INTU: variants seen among roughly 807,000 people sequenced by gnomAD.
INTU encodes the protein inturned planar cell polarity protein, also known as protein inturned.
INTU carries 68 observed loss-of-function variants against 100.5 expected under a neutral mutation model. The observed-to-expected ratio is 0.68, with a 90% confidence interval of 0.56 to 0.83. The LOEUF is 0.83. INTU is among the 40% of genes least tolerant of loss of function. INTU has a pLI of 0.00. For missense variants in INTU, 1,071 were observed against 1,114.7 expected (o/e 0.96, Z 0.56); for synonymous variants, 357 against 395.7 (o/e 0.90, Z 1.16).
In INTU at chr4:127,724,478, G is replaced by GT. The variant is rs1470964829; in HGVS notation, c.*8048dup. The GT allele has an allele frequency of 3.9e-5, 6 of 152,138 alleles. No homozygotes were observed. The East Asian group carries it at 1.2e-3, about 29-fold the overall frequency. The allele number at this position is 152,138 out of a possible 1,614,324, so 9.4% of individuals were successfully genotyped here. ...AGAAATATAGATCATTATGCATTGG[G>GT]TTTTTTCAAAGGGGGAACACTTTAG... On this transcript the variant is annotated 3_prime_UTR_variant, in exon 16 of 16. Transcript: ENST00000335251.
At chr4:127,634,153 G>A (rs1726965280) in intron 1 of INTU, among the ~76,000 whole-genome samples, 1 of 152,190 alleles carries the variant, frequency 6.6e-6, no homozygotes, top group Non-Finnish European at 1.5e-5. Flanking sequence ...TAAAAGTATG[G>A]TGGGGAAACC....
intron 14 of INTU, among the ~76,000 whole-genome samples, chr4:127,713,112 T>G (rs1731151069): frequency 6.6e-6 from 1 of 152,222 alleles, no homozygotes; most frequent in Non-Finnish European, 1.5e-5. Context: ...GATACATTCT[T>G]GAACAGTTCT....
intron 4 of INTU, among the ~76,000 whole-genome samples, chr4:127,668,189 A>G (rs962049102): frequency 6.6e-6 from 1 of 152,072 alleles, no homozygotes; most frequent in Admixed American, 6.6e-5. Context: ...GTAACAACAA[A>G]AAATGAGGTA....
chr4:127,666,885 A>G (rs1158550377), intron 4 of INTU, among the ~76,000 whole-genome samples: 1 of 152,144 alleles, frequency 6.6e-6, no homozygotes, highest in East Asian at 1.9e-4. Context: ...TATTTTATCC[A>G]AAAGGATGCA....
At chr4:127,685,189 G>A (rs368710181) in intron 7 of INTU, among the ~76,000 whole-genome samples, 8 of 151,700 alleles carry the variant, frequency 5.3e-5, no homozygotes, top group South Asian at 2.1e-4. Flanking sequence ...TGCTTCTTGC[G>A]TTTTTAACCT....
intron 14 of INTU, among the ~76,000 whole-genome samples, chr4:127,712,430 A>T (rs1185042275): frequency 6.6e-6 from 1 of 152,182 alleles, no homozygotes. Context: ...GATAATATTT[A>T]GTAATATAAA....
At chr4:127,635,785 A>G (rs142518981) in intron 1 of INTU, among the ~76,000 whole-genome samples, 25 of 152,326 alleles carry the variant, frequency 1.6e-4, no homozygotes, top group Admixed American at 1.6e-3. Flanking sequence ...GAGTCTCCCC[A>G]TGTACCTACT....
chr4:127,714,611 T>G (rs1731201978), intron 15 of INTU, among the ~76,000 whole-genome samples: 1 of 152,206 alleles, frequency 6.6e-6, no homozygotes, highest in Non-Finnish European at 1.5e-5. Flanking sequence ...ATCCTTGATA[T>G]TCAGACCAGT....
intron 8 of INTU, among the ~76,000 whole-genome samples, chr4:127,690,292 C>G (rs1444080720): frequency 6.6e-6 from 1 of 152,140 alleles, no homozygotes; most frequent in Non-Finnish European, 1.5e-5. Flanking sequence ...TAAGAAATCA[C>G]TGTGTGAATT....
chr4:127,714,695 A>G (rs1560623064), intron 15 of INTU, among the ~76,000 whole-genome samples: 3 of 152,092 alleles, frequency 2.0e-5, no homozygotes, highest in Non-Finnish European at 4.4e-5. Context: ...GTTATTCTCT[A>G]TATGACTCTT....
At position 127,656,670 on chromosome 4, in the gene INTU, TA is replaced by T; in HGVS notation, c.718del (p.Thr240LeufsTer18). 1 of 1,610,992 alleles carries T rather than the reference TA, an allele frequency of 6.2e-7. No individual in the cohort carries two copies. Among genetic ancestry groups the T allele is most frequent in the Non-Finnish European group, 8.5e-7 (1 of 1,177,706 alleles). ...VLVAVNDVDV[T>X]TENIERVLSC... ...TTGTTGCTGTGAATGATGTCGATGT[TA>T]CTACTGAAAACATCGAGAGAGTTCT... On this transcript the variant is annotated frameshift_variant, in exon 3 of 16. Transcript: ENST00000335251. LOFTEE classifies it high-confidence loss of function.
chr4:127,682,528 A>T lies in INTU; in HGVS notation c.1182-1881A>T, dbSNP rs562975542. Among the ~76,000 whole-genome samples the T allele has an allele frequency of 3.0e-3, 431 of 143,122 alleles. 2 individuals carry two copies. Among genetic ancestry groups the T allele is most frequent in the African/African-American group, 0.01 (399 of 38,560 alleles). 93.9% of individuals were successfully genotyped at this position (143,122 alleles called of 152,430 possible). ...CCAAACACCGCATATTCTCACTCATAGGTGGGAATTGAACAATGAGAACAC... is the reference window on the plus strand; with the variant it reads ...CCAAACACCGCATATTCTCACTCATTGGTGGGAATTGAACAATGAGAACAC... On this transcript the variant is annotated intron_variant, in intron 6 of 15. Transcript: ENST00000335251.
chr4:127,636,913 A>C (rs1360864420), intron 1 of INTU, among the ~76,000 whole-genome samples: 1 of 152,214 alleles, frequency 6.6e-6, no homozygotes, highest in Non-Finnish European at 1.5e-5. Context: ...CAGATTAAAA[A>C]GGCACATGGT....
chr4:127,646,009 C>A (rs1482434722), intron 2 of INTU, among the ~76,000 whole-genome samples: 6 of 151,798 alleles, frequency 4.0e-5, no homozygotes, highest in African/African-American at 1.5e-4. Flanking sequence ...ATGGCAAGAC[C>A]CCGTGTCTAC....
chr4:127,667,254 T>C (rs1203899910), intron 4 of INTU, among the ~76,000 whole-genome samples: 2 of 152,170 alleles, frequency 1.3e-5, no homozygotes, highest in African/African-American at 4.8e-5. Context: ...TTGCCAGCCC[T>C]GTATCAACAT....
At position 127,691,962 on chromosome 4, in the gene INTU, G is replaced by GTATATATATATATATA. The variant is rs1553982611; in HGVS notation, c.1449+4099_1449+4114dup. ...GGCGGAGTATAGTGTTCCATGGTATGTATATATATATATATATATGTCACA... is the reference window on the plus strand; with the variant it reads ...GGCGGAGTATAGTGTTCCATGGTATGTATATATATATATATATATATATATATATATATATGTCACA... On this transcript the variant is annotated intron_variant, in intron 8 of 15. Coordinates refer to ENST00000335251, the MANE Select transcript of INTU (RefSeq NM_015693.4). Among the ~76,000 whole-genome samples, 985 of 98,114 alleles carry GTATATATATATATATA rather than the reference G, an allele frequency of 0.01. 46 individuals are homozygous for GTATATATATATATATA. The East Asian group carries it at 0.11, about 11-fold the overall frequency. The allele number at this position is 98,114 out of a possible 152,430, so 64.4% of individuals were successfully genotyped here. A position where few individuals can be genotyped will look rare whatever the true frequency, so the allele number is the denominator to read the frequency against.
At chr4:127,703,493 T>C (rs1253595898) in intron 9 of INTU, among the ~76,000 whole-genome samples, 1 of 152,162 alleles carries the variant, frequency 6.6e-6, no homozygotes, top group Non-Finnish European at 1.5e-5. Context: ...AACACACATG[T>C]ATATAGTTGG....
At chr4:127,637,512 T>A (rs1727125720) in intron 1 of INTU, among the ~76,000 whole-genome samples, 2 of 152,222 alleles carry the variant, frequency 1.3e-5, no homozygotes, top group African/African-American at 4.8e-5. Context: ...TGAAATACCC[T>A]TTCTTCCTAT....
intron 3 of INTU, among the ~76,000 whole-genome samples, chr4:127,657,369 A>G (rs990270002): frequency 6.6e-6 from 1 of 152,070 alleles, no homozygotes; most frequent in Non-Finnish European, 1.5e-5. Context: ...TACCATGAAT[A>G]CTCTGTTCTA....
Sources: gnomAD v4.1 joint callset for allele counts (sites outside exome capture counted in the v4.1 genomes callset) on GRCh38, gnomAD v4.1.1 for gene constraint, MANE v1.5 for transcripts, NCBI Gene and HGNC (gene_info 2026-07-23, HGNC 2026-07-21) for gene names.